Variants in ARFGAP3 observed in about 807,000 individuals in gnomAD.
ARFGAP3 encodes ADP-ribosylation factor GTPase-activating protein 3.
Under a neutral mutation model 75.0 loss-of-function variants are expected in ARFGAP3, and 72 were observed. The observed-to-expected ratio is 0.96, with a 90% CI of 0.79 to 1.17. The LOEUF is 1.17. Among genes scored for constraint, ARFGAP3 ranks in the 50% most tolerant of loss-of-function variants. The pLI is 0.00. For missense variants in ARFGAP3, 620 were observed against 626.6 expected, an observed-to-expected ratio of 0.99 and a Z score of 0.11; for synonymous variants, 221 against 217.9, an observed-to-expected ratio of 1.01 and a Z score of -0.13.
At position 42,800,046 on chromosome 22, in the gene ARFGAP3, G is replaced by A. The variant is rs78368425; in HGVS notation, c.1412-886C>T. Among the ~76,000 whole-genome samples, 173 of 152,310 alleles carry A rather than the reference G, an allele frequency of 1.1e-3. 1 individual carries two copies. The highest frequency in any genetic ancestry group is 3.8e-3 in the African/African-American group (157 of 41,548). On this transcript the variant is annotated intron_variant, in intron 14 of 15. Coordinates refer to ENST00000263245, the MANE Select transcript of ARFGAP3 (RefSeq NM_014570.5). The stretch of plus-strand genomic sequence containing the variant: ...CTACCAATCTGGGTGAAGTTCATCA[G>A]GGTTATCACACATCAAGGAGGTCTG...
intron 14 of ARFGAP3, among the ~76,000 whole-genome samples, chr22:42,803,686 G>T (rs767892004): frequency 1.4e-4 from 21 of 152,282 alleles, no homozygotes; most frequent in Non-Finnish European, 2.5e-4. Context: ...TGCTGTGCCA[G>T]GTCAGGTTGG....
chr22:42,840,514 T>C (rs921449696), intron 3 of ARFGAP3, among the ~76,000 whole-genome samples: 8 of 151,922 alleles, frequency 5.3e-5, no homozygotes, highest in Admixed American at 2.6e-4. Flanking sequence ...CCTCCCAGGT[T>C]CATGCAACTC....
intron 3 of ARFGAP3, among the ~76,000 whole-genome samples, chr22:42,840,241 G>C (rs1926719911): frequency 6.6e-6 from 1 of 151,598 alleles, no homozygotes; most frequent in African/African-American, 2.4e-5. Context: ...TGGGGATCTT[G>C]TTTGTCTTGT....
At position 42,797,254 on chromosome 22, in the gene ARFGAP3, C is replaced by A. The variant is rs146216155; in HGVS notation, c.*334G>T. 2 of 313,500 alleles carry A rather than the reference C, an allele frequency of 6.4e-6. No homozygotes were observed. The highest frequency in any genetic ancestry group is 4.9e-5 in the Admixed American group (1 of 20,550). The allele number at this position is 313,500 out of a possible 1,614,324, so 19.4% of individuals were successfully genotyped here. ...CACATGGAGACCTCTCCTCCTCCCCCACATGAAGCCTCCTGGTTCAGGAGC... is the reference window on the plus strand; with the variant it reads ...CACATGGAGACCTCTCCTCCTCCCCAACATGAAGCCTCCTGGTTCAGGAGC... On this transcript the variant is annotated 3_prime_UTR_variant, in exon 16 of 16. Coordinates refer to ENST00000263245, the MANE Select transcript of ARFGAP3 (RefSeq NM_014570.5).
chr22:42,835,987 T>C (rs372350580), intron 3 of ARFGAP3, among the ~76,000 whole-genome samples: 7,157 of 146,174 alleles, frequency 0.049, 349 homozygotes, highest in African/African-American at 0.12. Context: ...TTTCTTTTTT[T>C]TTTTTTTTTT....
In ARFGAP3 at chr22:42,807,207, T is replaced by G. The variant is rs1295126744; in HGVS notation, c.1321-44A>C. Reference sequence around the variant, plus strand: ...AGGAAATGTTAGGCTCCAAAGATTGTGGGCAGTTTTGCAAAAAGAATCACT... The same window carrying G: ...AGGAAATGTTAGGCTCCAAAGATTGGGGGCAGTTTTGCAAAAAGAATCACT... On this transcript the variant is annotated intron_variant, in intron 13 of 15. Transcript: ENST00000263245. 3 of 1,558,470 alleles carry G rather than the reference T, an allele frequency of 1.9e-6. No homozygotes were observed. In the African/African-American group the frequency reaches 4.1e-5, roughly 21 times the overall value.
chr22:42,821,105 C>T (rs1925793722), intron 9 of ARFGAP3, among the ~76,000 whole-genome samples: 2 of 152,200 alleles, frequency 1.3e-5, no homozygotes, highest in African/African-American at 4.8e-5. Flanking sequence ...TCTTCCTTCT[C>T]CCTCTCCAAG....
rs780309076 is a variant in ARFGAP3, at chr22:42,847,539, G to C, written c.163C>G (p.Leu55Val). ...CIDCSGSHRS[L>V]GVHLSFIRST... ...CGAATAAAACTCAAGTGAACACCAA[G>C]TGACCGGTGGGACCCTGAGCAATCA... The change falls in exon 2 of 16, where the codon CTT (leucine) becomes GTT (valine). Residue 55 changes from leucine (L) to valine (V), a missense_variant. Leu to Val is a conservative substitution (Grantham distance 32, BLOSUM62 1). Transcript: ENST00000263245. The C allele has an allele frequency of 6.2e-6, 10 of 1,613,280 alleles. No individual in the cohort carries two copies. Among genetic ancestry groups the C allele is most frequent in the African/African-American group, 1.3e-5 (1 of 74,874 alleles).
Position 42,857,096 on chromosome 22 carries a change from C to T in ARFGAP3, c.69+18G>A. 1 of 1,503,542 alleles carries T rather than the reference C, an allele frequency of 6.7e-7. No homozygotes were observed. The highest frequency in any genetic ancestry group is 1.3e-5 in the South Asian group (1 of 79,992). The allele number at this position is 1,503,542 out of a possible 1,614,324, so 93.1% of individuals were successfully genotyped here. A position where few individuals can be genotyped will look rare whatever the true frequency, so the allele number is the denominator to read the frequency against. ...CGCAGGGATGCCAGGCAGGCCCGCA[C>T]TCGCCCGCGGCCGCTACCTTGTTAG... On this transcript the variant is annotated intron_variant, in intron 1 of 15. Coordinates refer to ENST00000263245, the MANE Select transcript of ARFGAP3 (RefSeq NM_014570.5).
At chr22:42,802,231 G>A (rs1351883952) in intron 14 of ARFGAP3, among the ~76,000 whole-genome samples, 1 of 152,026 alleles carries the variant, frequency 6.6e-6, no homozygotes, top group Non-Finnish European at 1.5e-5. Flanking sequence ...ATGGGTCTAT[G>A]GTGTGACGTG....
At chr22:42,851,775 G>A (rs1270337526) in intron 1 of ARFGAP3, among the ~76,000 whole-genome samples, 2 of 152,232 alleles carry the variant, frequency 1.3e-5, no homozygotes, top group Non-Finnish European at 2.9e-5. Flanking sequence ...TGATGAGCAA[G>A]AAATAGCTTT....
At chr22:42,822,178 C>G in intron 9 of ARFGAP3, 92 bp downstream of exon 9, 1 of 1,047,598 alleles carries the variant, frequency 9.5e-7, no homozygotes, top group Non-Finnish European at 1.4e-6. Flanking sequence ...CCTTCCCCCC[C>G]CACACAAAAA....
intron 1 of ARFGAP3, among the ~76,000 whole-genome samples, chr22:42,855,662 G>A (rs1420914469): frequency 3.3e-5 from 5 of 150,828 alleles, no homozygotes; most frequent in African/African-American, 4.9e-5. Flanking sequence ...CAGCCTGGGC[G>A]ACAGAGCAAG....
rs1452834868 is a variant in ARFGAP3 at position 42,813,715 on chromosome 22, A to G, written c.1065-2771T>C. ...TCTGTGCTCATGCTAAGCAGGAGCA[A>G]CTCAGTAGGAGGACTGGCAACTCAC... On this transcript the variant is annotated intron_variant, in intron 11 of 15. Transcript: ENST00000263245. Among the ~76,000 whole-genome samples, 33 of 152,074 alleles carry G rather than the reference A, an allele frequency of 2.2e-4. 1 individual carries two copies. The highest frequency in any genetic ancestry group is 2.2e-3 in the Admixed American group (33 of 15,270).
At chr22:42,802,857 C>T (rs545494745) in intron 14 of ARFGAP3, among the ~76,000 whole-genome samples, 2 of 152,128 alleles carry the variant, frequency 1.3e-5, no homozygotes, top group Admixed American at 1.3e-4. Flanking sequence ...GCCTCGGCCT[C>T]CCAAAGTGCT....
intron 14 of ARFGAP3, among the ~76,000 whole-genome samples, chr22:42,801,124 G>A (rs529679988): frequency 6.6e-6 from 1 of 152,352 alleles, no homozygotes; most frequent in South Asian, 2.1e-4. Flanking sequence ...GCATGGGGCG[G>A]TGCCTGAGCA....
intron 3 of ARFGAP3, among the ~76,000 whole-genome samples, chr22:42,838,287 TA>T (rs1431069131): frequency 4.1e-4 from 51 of 125,496 alleles, no homozygotes; most frequent in African/African-American, 1.8e-3. Flanking sequence ...TATATATATA[TA>T]TATTTTTTTT....
intron 7 of ARFGAP3, chr22:42,823,933 G>A (rs1925922607): frequency 5.1e-6 from 1 of 196,882 alleles, no homozygotes; most frequent in Non-Finnish European, 8.5e-6. Flanking sequence ...CAGAGAAAAT[G>A]TATTTTTTTT....
At chr22:42,819,824 A>G (rs1431902546) in intron 9 of ARFGAP3, among the ~76,000 whole-genome samples, 4 of 152,228 alleles carry the variant, frequency 2.6e-5, no homozygotes, top group Admixed American at 2.6e-4. Flanking sequence ...ATTAAGGATA[A>G]AACACCTGTA....
Sources: allele counts gnomAD v4.1 joint callset (sites outside exome capture counted in the v4.1 genomes callset), GRCh38; gene constraint gnomAD v4.1.1; transcripts MANE v1.5; gene names NCBI Gene and HGNC (gene_info 2026-07-23, HGNC 2026-07-21).